The following CNTNAP2 variants were observed in gnomAD, a reference collection of about 807,000 sequenced individuals.
The protein encoded by CNTNAP2 is contactin-associated protein-like 2.
Under a neutral mutation model 155.2 loss-of-function variants are expected in CNTNAP2, and 98 were observed. The observed-to-expected ratio is 0.63, with a 90% confidence interval of 0.54 to 0.75. The LOEUF is 0.75. CNTNAP2 is among the 30% of genes least tolerant of loss of function. The pLI is 0.00. For missense variants in CNTNAP2, 1,727 were observed against 1,688.1 expected (o/e 1.02, Z -0.40); for synonymous variants, 651 against 631.2 (o/e 1.03, Z -0.47).
chr7:147,992,826 A>G (rs1028243268), intron 15 of CNTNAP2, among the ~76,000 whole-genome samples: 7 of 152,240 alleles, frequency 4.6e-5, no homozygotes, highest in African/African-American at 1.7e-4. Context: ...CTCAAGCTTT[A>G]GACAATGAAG....
intron 20 of CNTNAP2, among the ~76,000 whole-genome samples, chr7:148,252,952 A>G (rs1796389490): frequency 6.6e-6 from 1 of 152,102 alleles, no homozygotes; most frequent in Non-Finnish European, 1.5e-5. Context: ...TACAAATAAC[A>G]ACAACAATGA....
In CNTNAP2 at chr7:146,684,553, T is replaced by A. The variant is rs140092310; in HGVS notation, c.98-89718T>A. ...GTGGGCCAACTAAACTAGAAAATGG[T>A]GAGTTTTAATATTTATATGATGACA... On this transcript the variant is annotated intron_variant, in intron 1 of 23. Coordinates refer to ENST00000361727, the MANE Select transcript of CNTNAP2 (RefSeq NM_014141.6). Among the ~76,000 whole-genome samples the A allele has an allele frequency of 2.6e-4, 37 of 144,338 alleles. No individual in the cohort carries two copies. In the East Asian group the frequency reaches 7.7e-3, roughly 30 times the overall value. 94.7% of individuals were successfully genotyped at this position (144,338 alleles called of 152,430 possible).
At chr7:147,440,690 A>G (rs1797622579) in intron 10 of CNTNAP2, among the ~76,000 whole-genome samples, 1 of 152,124 alleles carries the variant, frequency 6.6e-6, no homozygotes, top group African/African-American at 2.4e-5. Flanking sequence ...TCTGGGAAAA[A>G]TCTTTATTTC....
At chr7:147,374,671 C>G (rs1485304138) in intron 9 of CNTNAP2, among the ~76,000 whole-genome samples, 2 of 152,060 alleles carry the variant, frequency 1.3e-5, no homozygotes, top group Middle Eastern at 6.8e-3. Flanking sequence ...TCCATTGAGA[C>G]AGTATGCTTC....
chr7:147,176,483 T>A (rs531586943), intron 8 of CNTNAP2, among the ~76,000 whole-genome samples: 1 of 151,560 alleles, frequency 6.6e-6, no homozygotes, highest in South Asian at 2.1e-4. Flanking sequence ...TCAAAATATT[T>A]AAATTCTTCA....
Position 146,426,520 on chromosome 7 carries a change from T to C in CNTNAP2, c.97+309547T>C, listed in dbSNP as rs188028716. On this transcript the variant is annotated intron_variant, in intron 1 of 23. Transcript: ENST00000361727. ...ATATATCTACTTGTACACGTGTGTATATTATAAAACATTTTAAAAAATTTA... is the reference window on the plus strand; with the variant it reads ...ATATATCTACTTGTACACGTGTGTACATTATAAAACATTTTAAAAAATTTA... Among the ~76,000 whole-genome samples, 52 of 150,600 alleles carry C rather than the reference T, an allele frequency of 3.5e-4. No homozygotes were observed. In the East Asian group the frequency reaches 3.5e-3, roughly 10 times the overall value.
rs1033580960 is a variant in CNTNAP2, at chr7:147,290,627, G to T, written c.1349-9514G>T. Among the ~76,000 whole-genome samples the T allele has an allele frequency of 5.3e-5, 8 of 150,240 alleles. No individual in the cohort carries two copies. The South Asian group carries it at 1.7e-3, about 32-fold the overall frequency. ...GAACCCGGGAGGTGGAGGTTGCAGT[G>T]GGCTGAGATTGCACCACTGCACTCC... is the stretch of plus-strand genomic sequence containing the variant. On this transcript the variant is annotated intron_variant, in intron 8 of 23. Transcript: ENST00000361727.
intron 10 of CNTNAP2, among the ~76,000 whole-genome samples, chr7:147,415,845 C>T (rs564879175): frequency 6.6e-6 from 1 of 152,296 alleles, no homozygotes; most frequent in African/African-American, 2.4e-5. Context: ...TGAACTGATT[C>T]TACACCGGAC....
chr7:147,396,915 C>G (rs1184214515), intron 10 of CNTNAP2, among the ~76,000 whole-genome samples: 5 of 151,890 alleles, frequency 3.3e-5, no homozygotes, highest in African/African-American at 9.7e-5. Context: ...AAAATGTAGA[C>G]CATAAGTCTT....
At chr7:148,054,614 C>G (rs1205527184) in intron 15 of CNTNAP2, among the ~76,000 whole-genome samples, 1 of 152,004 alleles carries the variant, frequency 6.6e-6, no homozygotes, top group Non-Finnish European at 1.5e-5. Context: ...ACAACTTCGC[C>G]AGAGTGCAGA....
chr7:147,036,023 C>T (rs371256330), intron 3 of CNTNAP2, among the ~76,000 whole-genome samples: 1 of 152,164 alleles, frequency 6.6e-6, no homozygotes, highest in Non-Finnish European at 1.5e-5. Context: ...AAGTCTTAGA[C>T]TTGTGCATCC....
intron 1 of CNTNAP2, among the ~76,000 whole-genome samples, chr7:146,520,100 T>C (rs2129137182): frequency 6.6e-6 from 1 of 151,580 alleles, no homozygotes; most frequent in African/African-American, 2.4e-5. Flanking sequence ...CAAGTAAGCA[T>C]AAGCACAATA....
chr7:148,414,270 G>A (rs542070299), intron 23 of CNTNAP2, among the ~76,000 whole-genome samples: 22 of 152,076 alleles, frequency 1.4e-4, no homozygotes, highest in African/African-American at 5.1e-4. Context: ...ATAAAAGACC[G>A]GGTTTCACCA....
intron 13 of CNTNAP2, among the ~76,000 whole-genome samples, chr7:147,874,415 T>C (rs1315130103): frequency 6.6e-6 from 1 of 152,248 alleles, no homozygotes; most frequent in Non-Finnish European, 1.5e-5. Context: ...CAAAACCATG[T>C]GGAAGCTGCC....
At chr7:147,509,656 A>G (rs1017569147) in intron 11 of CNTNAP2, among the ~76,000 whole-genome samples, 5 of 152,104 alleles carry the variant, frequency 3.3e-5, no homozygotes, top group African/African-American at 1.2e-4. Flanking sequence ...AAGCTGGCTT[A>G]CATATAGTTG....
At chr7:146,888,708 T>A (rs1795717800) in intron 3 of CNTNAP2, among the ~76,000 whole-genome samples, 1 of 152,026 alleles carries the variant, frequency 6.6e-6, no homozygotes, top group Admixed American at 6.6e-5. Flanking sequence ...ACAACATAGA[T>A]GATCTGGAGG....
intron 2 of CNTNAP2, among the ~76,000 whole-genome samples, chr7:146,816,380 C>A (rs1007201021): frequency 1.3e-5 from 2 of 152,196 alleles, no homozygotes; most frequent in African/African-American, 4.8e-5. Flanking sequence ...GTGGAGAGAA[C>A]TTTTCATTTC....
intron 1 of CNTNAP2, among the ~76,000 whole-genome samples, chr7:146,336,237 T>A (rs1477245754): frequency 2.0e-5 from 3 of 151,376 alleles, no homozygotes; most frequent in Non-Finnish European, 1.5e-5. Context: ...TAAATATTTA[T>A]CTATAGTGAG....
chr7:146,116,898 G>T lies in CNTNAP2; in HGVS notation c.22G>T (p.Gly8Cys). 6.5e-7 allele frequency: 1 copy of T among 1,546,466 alleles called. No individual in the cohort carries two copies. The highest frequency in any genetic ancestry group is 8.7e-7 in the Non-Finnish European group (1 of 1,143,746). MQAAPRA[G>C]CGAALLLWIV... ...AAGGATGCAGGCGGCTCCGCGCGCC[G>T]GCTGCGGGGCAGCGCTCCTGCTGTG... The change falls in exon 1 of 24, where the codon GGC (glycine) becomes TGC (cysteine). Residue 8 changes from glycine (G) to cysteine (C), a missense_variant. Physicochemically the swap from Gly to Cys is radical, Grantham distance 159. Transcript: ENST00000361727. This position sits in a 1 kb window ranked among gnomAD's most constrained non-coding sequence, Gnocchi z 5.5.
Sources: gnomAD v4.1 joint callset for allele counts (sites outside exome capture counted in the v4.1 genomes callset) on GRCh38, gnomAD v4.1.1 for gene constraint, Gnocchi (gnomAD v3.1) non-coding constraint, MANE v1.5 for transcripts, NCBI Gene and HGNC (gene_info 2026-07-23, HGNC 2026-07-21) for gene names.